The following RYR2 variants were observed in gnomAD, a reference collection of about 807,000 sequenced individuals.
The protein encoded by RYR2 is ryanodine receptor 2, also known as cardiac muscle ryanodine receptor-calcium release channel.
Under a neutral mutation model 601.1 loss-of-function variants are expected in RYR2, and 227 were observed. The observed-to-expected ratio is 0.38, with a 90% CI of 0.34 to 0.42. RYR2 has a LOEUF of 0.42. Among genes scored for constraint, RYR2 ranks in the 10% least tolerant of loss-of-function variants. RYR2 has a pLI of 1.00. For missense variants in RYR2, 4,646 were observed against 6,156.5 expected, an observed-to-expected ratio of 0.75 and a Z score of 8.21; for synonymous variants, 2,223 against 2,175.1, an observed-to-expected ratio of 1.02 and a Z score of -0.61.
At chr1:237,280,458 C>T (rs1405247472) in intron 2 of RYR2, among the ~76,000 whole-genome samples, 1 of 152,014 alleles carries the variant, frequency 6.6e-6, no homozygotes, top group Non-Finnish European at 1.5e-5. Context: ...AAAGAAAGAC[C>T]ACTGTTTTGT....
At chr1:237,163,641 A>G (rs982066674) in intron 1 of RYR2, among the ~76,000 whole-genome samples, 4 of 152,142 alleles carry the variant, frequency 2.6e-5, no homozygotes, top group Admixed American at 6.5e-5. Flanking sequence ...TCATGTAGTT[A>G]ATGGGTGGTG....
At chr1:237,590,082 C>A (rs1674981406) in intron 30 of RYR2, 81 bp downstream of exon 30, 1 of 1,264,238 alleles carries the variant, frequency 7.9e-7, no homozygotes, top group Non-Finnish European at 1.1e-6. Context: ...TCTGCTTAGA[C>A]AATTATTATG....
intron 104 of RYR2, among the ~76,000 whole-genome samples, chr1:237,832,202 CT>C (rs34580579): frequency 2.7e-5 from 4 of 148,648 alleles, no homozygotes; most frequent in Admixed American, 6.7e-5. Context: ...CCACACCTGG[CT>C]TTTTTTTGTG....
Position 237,594,914 on chromosome 1 carries a change from T to G in RYR2, c.4437-584T>G, listed in dbSNP as rs1328542298. Among the ~76,000 whole-genome samples the G allele has an allele frequency of 5.9e-3, 590 of 100,674 alleles. 17 individuals carry two copies. Among genetic ancestry groups the G allele is most frequent in the African/African-American group, 0.019 (566 of 30,006 alleles). The allele number at this position is 100,674 out of a possible 152,430, so 66.0% of individuals were successfully genotyped here. On this transcript the variant is annotated intron_variant, in intron 33 of 104. Transcript: ENST00000366574. ...TTTTTTTTTTTTTTTTTTTTTTTTTTTTTTTTTTTTTTTTTTTGCATATTC... is the reference window on the plus strand; with the variant it reads ...TTTTTTTTTTTTTTTTTTTTTTTTTGTTTTTTTTTTTTTTTTTGCATATTC...
At position 237,610,907 on chromosome 1, in the gene RYR2, G is replaced by T; in HGVS notation, c.4829G>T (p.Arg1610Leu). ...PNQFLKVDVSRISERQGWLVQ... is the reference protein window; with the variant it reads ...PNQFLKVDVSLISERQGWLVQ... Reference sequence around the variant, plus strand: ...CAGTTTTTGAAGGTAGATGTGTCTCGAATAAGTGAACGCCAAGGCTGGTTG... The same window carrying T: ...CAGTTTTTGAAGGTAGATGTGTCTCTAATAAGTGAACGCCAAGGCTGGTTG... The change falls in exon 36 of 105, where the codon CGA becomes CTA. Residue 1610 changes from arginine to leucine, a missense_variant. By Grantham distance (102) the Arg-to-Leu change is moderately radical (BLOSUM62 -2). Transcript: ENST00000366574. The surrounding 1 kb of genome is among the most constrained non-coding windows in gnomAD (Gnocchi z 4.9). 6 of 1,613,398 alleles carry T rather than the reference G, an allele frequency of 3.7e-6. No individual in the cohort carries two copies. Among genetic ancestry groups the T allele is most frequent in the Non-Finnish European group, 5.1e-6 (6 of 1,179,682 alleles).
At chr1:237,278,867 T>A (rs961065929) in intron 2 of RYR2, among the ~76,000 whole-genome samples, 5 of 152,214 alleles carry the variant, frequency 3.3e-5, no homozygotes, top group Admixed American at 6.5e-5. Flanking sequence ...TCCTTTTCAT[T>A]TATAATCACT....
At chr1:237,316,090 G>A (rs1436729076) in intron 2 of RYR2, among the ~76,000 whole-genome samples, 1 of 152,042 alleles carries the variant, frequency 6.6e-6, no homozygotes, top group African/African-American at 2.4e-5. Context: ...CAGGTGTGAC[G>A]ATTAGGAACA....
At chr1:237,055,941 T>G (rs1171082545) in intron 1 of RYR2, among the ~76,000 whole-genome samples, 1 of 151,972 alleles carries the variant, frequency 6.6e-6, no homozygotes. Context: ...ACTGGAGCAC[T>G]GCACCTGTGA....
intron 2 of RYR2, among the ~76,000 whole-genome samples, chr1:237,324,347 T>C (rs971701048): frequency 2.6e-5 from 4 of 152,206 alleles, no homozygotes; most frequent in African/African-American, 9.6e-5. Context: ...ACATAGAATT[T>C]GATATCTCCA....
intron 15 of RYR2, 31 bp downstream of exon 15, chr1:237,454,605 T>C (rs965662228): frequency 1.2e-6 from 2 of 1,602,438 alleles, no homozygotes. Flanking sequence ...ATTTCTCTTC[T>C]GTTATTCTCT....
chr1:237,362,768 T>C (rs578191920), intron 4 of RYR2, among the ~76,000 whole-genome samples: 43 of 152,332 alleles, frequency 2.8e-4, no homozygotes, highest in African/African-American at 8.9e-4. Flanking sequence ...TTTCATGTTC[T>C]TGATTATCTT....
At chr1:237,801,469 G>A (rs1033264588) in intron 97 of RYR2, among the ~76,000 whole-genome samples, 2 of 150,582 alleles carry the variant, frequency 1.3e-5, no homozygotes. Flanking sequence ...TTGAACCGGG[G>A]AGGCAGAGAT....
chr1:237,307,819 G>A (rs567795746), intron 2 of RYR2, among the ~76,000 whole-genome samples: 3 of 152,240 alleles, frequency 2.0e-5, no homozygotes, highest in East Asian at 1.9e-4. Context: ...ATGAGCCTTC[G>A]GTTTGCTGTA....
chr1:237,399,020 C>T (rs1703104856), intron 10 of RYR2, among the ~76,000 whole-genome samples: 1 of 152,030 alleles, frequency 6.6e-6, no homozygotes, highest in Non-Finnish European at 1.5e-5. Flanking sequence ...ATGGTAAAAC[C>T]CTGTCTCTAT....
intron 12 of RYR2, among the ~76,000 whole-genome samples, chr1:237,431,906 C>T (rs558493017): frequency 7.2e-5 from 11 of 152,088 alleles, no homozygotes; most frequent in South Asian, 2.1e-4. Flanking sequence ...CATTTCTGTG[C>T]GACTCATCAA....
At chr1:237,401,957 T>C (rs529542869) in intron 10 of RYR2, among the ~76,000 whole-genome samples, 27 of 152,254 alleles carry the variant, frequency 1.8e-4, no homozygotes, top group African/African-American at 5.8e-4. Context: ...CTTCCAGGAA[T>C]GAAGGACAAA....
intron 16 of RYR2, among the ~76,000 whole-genome samples, chr1:237,460,060 A>T (rs1659299288): frequency 6.6e-6 from 1 of 152,088 alleles, no homozygotes; most frequent in South Asian, 2.1e-4. Context: ...GCTCCATCTT[A>T]TCTCCAGAAC....
chr1:237,518,300 G>A (rs1558957655), intron 24 of RYR2, among the ~76,000 whole-genome samples: 1 of 151,560 alleles, frequency 6.6e-6, no homozygotes, highest in East Asian at 1.9e-4. Flanking sequence ...GGGTACATGT[G>A]CAATTTTGTT....
intron 1 of RYR2, among the ~76,000 whole-genome samples, chr1:237,119,001 TG>T (rs557456432): frequency 7.6e-4 from 116 of 152,280 alleles, no homozygotes; most frequent in African/African-American, 2.5e-3. Context: ...ATTTCTAATG[TG>T]GGGGGTATGG....
Sources: gnomAD v4.1 joint callset for allele counts (sites outside exome capture counted in the v4.1 genomes callset) on GRCh38, gnomAD v4.1.1 for gene constraint, Gnocchi (gnomAD v3.1) non-coding constraint, MANE v1.5 for transcripts, NCBI Gene and HGNC (gene_info 2026-07-23, HGNC 2026-07-21) for gene names.